The following PEBP4 variants were observed in gnomAD, a reference collection of about 807,000 sequenced individuals.
PEBP4 encodes phosphatidylethanolamine-binding protein 4.
In PEBP4, 22 loss-of-function variants were observed where a neutral mutation model predicts 23.9. The observed-to-expected ratio is 0.92, with a 90% CI of 0.66 to 1.31. PEBP4 has a LOEUF of 1.31. Among genes scored for constraint, PEBP4 ranks in the 40% most tolerant of loss-of-function variants. The pLI is 0.00. For synonymous variants in PEBP4, 112 were observed against 99.3 expected, an observed-to-expected ratio of 1.13 and a Z score of -0.76; for missense variants, 324 against 281.7, an observed-to-expected ratio of 1.15 and a Z score of -1.07.
At chr8:22,842,586 AC>A (rs1176128086) in intron 3 of PEBP4, among the ~76,000 whole-genome samples, 4 of 152,108 alleles carry the variant, frequency 2.6e-5, no homozygotes, top group African/African-American at 9.7e-5. Context: ...GCTTTGGAAC[AC>A]TCTTGCGATG....
At chr8:22,923,967 G>A (rs1809268940) in intron 2 of PEBP4, among the ~76,000 whole-genome samples, 1 of 152,168 alleles carries the variant, frequency 6.6e-6, no homozygotes, top group South Asian at 2.1e-4. Context: ...ATTTTGTTAT[G>A]GTAGCTGAAC....
intron 6 of PEBP4, among the ~76,000 whole-genome samples, chr8:22,723,465 G>A (rs1293115916): frequency 2.6e-5 from 4 of 151,744 alleles, no homozygotes; most frequent in East Asian, 1.9e-4. Flanking sequence ...AGAGACTCCC[G>A]CCCTGGGCAT....
intron 3 of PEBP4, among the ~76,000 whole-genome samples, chr8:22,859,870 T>A (rs893769224): frequency 4.6e-5 from 7 of 151,862 alleles, no homozygotes; most frequent in African/African-American, 1.5e-4. Flanking sequence ...TAAAAAATAT[T>A]GTCTTTGGGA....
chr8:22,717,604 T>C (rs1393128445), intron 6 of PEBP4, among the ~76,000 whole-genome samples: 2 of 152,174 alleles, frequency 1.3e-5, no homozygotes, highest in African/African-American at 4.8e-5. Context: ...GACCTTGAGG[T>C]TGGAGCTGCG....
intron 4 of PEBP4, among the ~76,000 whole-genome samples, chr8:22,773,767 C>G (rs1248280022): frequency 6.6e-6 from 1 of 152,182 alleles, no homozygotes; most frequent in Non-Finnish European, 1.5e-5. Context: ...TTGGGAGCCT[C>G]AGCCGGGGGC....
intron 4 of PEBP4, among the ~76,000 whole-genome samples, chr8:22,738,725 CTTG>C (rs1804924390): frequency 6.6e-6 from 1 of 152,222 alleles, no homozygotes; most frequent in Non-Finnish European, 1.5e-5. Context: ...CACTCACATA[CTTG>C]TAGTATGCTC....
chr8:22,768,400 G>A (rs1486275283), intron 4 of PEBP4, among the ~76,000 whole-genome samples: 2 of 152,172 alleles, frequency 1.3e-5, no homozygotes, highest in African/African-American at 4.8e-5. Flanking sequence ...GTGTTGTGAA[G>A]CATTTATTGC....
At chr8:22,834,199 T>C (rs914055781) in intron 3 of PEBP4, among the ~76,000 whole-genome samples, 1 of 152,190 alleles carries the variant, frequency 6.6e-6, no homozygotes, top group Non-Finnish European at 1.5e-5. Context: ...ATTTAGCCCA[T>C]AGTGGGCTGG....
intron 4 of PEBP4, among the ~76,000 whole-genome samples, chr8:22,798,213 C>G (rs574206509): frequency 2.6e-4 from 40 of 152,252 alleles, no homozygotes; most frequent in African/African-American, 9.4e-4. Flanking sequence ...TTTTATGATG[C>G]TTTCACATCC....
At chr8:22,829,934 T>A (rs976329731) in intron 3 of PEBP4, among the ~76,000 whole-genome samples, 1 of 152,204 alleles carries the variant, frequency 6.6e-6, no homozygotes, top group Non-Finnish European at 1.5e-5. Context: ...ACCACCTCCA[T>A]GTCACCAAAT....
At chr8:22,929,316 C>T (rs531504663), upstream of PEBP4, among the ~76,000 whole-genome samples, 1 of 152,354 alleles carries the variant, frequency 6.6e-6, no homozygotes, top group South Asian at 2.1e-4. Context: ...CACAGGACAG[C>T]CACAGCCAAG....
chr8:22,926,406 G>A (rs1038748760), intron 2 of PEBP4, among the ~76,000 whole-genome samples: 20 of 152,146 alleles, frequency 1.3e-4, no homozygotes, highest in African/African-American at 2.2e-4. Context: ...ATGCAGTGGC[G>A]CAATCATGGC....
At chr8:22,927,403 T>A (rs994372224) in intron 2 of PEBP4, among the ~76,000 whole-genome samples, 181 bp downstream of exon 2, 4 of 152,156 alleles carry the variant, frequency 2.6e-5, no homozygotes, top group Non-Finnish European at 5.9e-5. Flanking sequence ...GGAGTCTGTT[T>A]CTAAATCCCT....
intron 3 of PEBP4, among the ~76,000 whole-genome samples, chr8:22,914,185 A>C (rs896144260): frequency 6.6e-6 from 1 of 151,930 alleles, no homozygotes; most frequent in African/African-American, 2.4e-5. Context: ...ATGGGGTTTC[A>C]CCATGTTTGC....
intron 3 of PEBP4, among the ~76,000 whole-genome samples, chr8:22,876,659 T>TCACAACAACACA: frequency 6.6e-6 from 1 of 152,352 alleles, no homozygotes; most frequent in East Asian, 1.9e-4. Context: ...TGTATGTTTA[T>TCACAACAACACA]AGCGCTTGTG....
At chr8:22,920,449 C>A in intron 2 of PEBP4, 139 bp from the exon 3 acceptor site, 1 of 1,027,184 alleles carries the variant, frequency 9.7e-7, no homozygotes, top group Non-Finnish European at 1.4e-6. Flanking sequence ...AGTTGTGTGA[C>A]CGAAGAGTTA....
intron 4 of PEBP4, among the ~76,000 whole-genome samples, chr8:22,735,611 C>T (rs1563198645): frequency 6.6e-6 from 1 of 152,186 alleles, no homozygotes; most frequent in Admixed American, 6.5e-5. Flanking sequence ...ACCCTGGGTC[C>T]ACAGATCCCA....
At chr8:22,888,508 G>C (rs1808429236) in intron 3 of PEBP4, among the ~76,000 whole-genome samples, 1 of 152,172 alleles carries the variant, frequency 6.6e-6, no homozygotes, top group South Asian at 2.1e-4. Context: ...ATGAGGGTGG[G>C]GCTTGTAAGT....
chr8:22,899,693 G>T (rs971004331), intron 3 of PEBP4, among the ~76,000 whole-genome samples: 1 of 152,188 alleles, frequency 6.6e-6, no homozygotes, highest in African/African-American at 2.4e-5. Context: ...AGAGAGAGGA[G>T]GGTGCCAGGC....
Sources: gnomAD v4.1 joint callset for allele counts (sites outside exome capture counted in the v4.1 genomes callset) on GRCh38, gnomAD v4.1.1 for gene constraint, MANE v1.5 for transcripts, NCBI Gene and HGNC (gene_info 2026-07-23, HGNC 2026-07-21) for gene names.